KLHL15: variants seen among roughly 807,000 people sequenced by gnomAD.
KLHL15 encodes kelch like family member 15.
KLHL15 carries 1 observed loss-of-function variant against 29.3 expected under a neutral mutation model. The observed-to-expected ratio is 0.03, with a 90% confidence interval of 0.01 to 0.16. The LOEUF is 0.16. KLHL15 is among the 10% of genes least tolerant of loss of function. KLHL15 has a pLI of 1.00. For synonymous variants in KLHL15, 212 were observed against 184.5 expected, an observed-to-expected ratio of 1.15 and a Z score of -1.21; for missense variants, 215 against 478.5, an observed-to-expected ratio of 0.45 and a Z score of 5.14.
rs370493790 is a variant in KLHL15, at chrX:23,991,141, T to A, written c.706-2111A>T. On this transcript the variant is annotated intron_variant, in intron 3 of 3. Coordinates refer to ENST00000328046, the MANE Select transcript of KLHL15 (RefSeq NM_030624.3). ...GCTGAGGCGGGCAGATTACCTGAGC[T>A]CAGGAGTTCAAGACCAGCCTAGCCA... is the stretch of plus-strand genomic sequence containing the variant. Among the ~76,000 whole-genome samples, 4 of 108,184 alleles carry A rather than the reference T, an allele frequency of 3.7e-5. No homozygotes were observed. The East Asian group carries it at 1.2e-3, about 32-fold the overall frequency. 93.9% of individuals were successfully genotyped at this position (108,184 alleles called of 115,157 possible). A position where few individuals can be genotyped will look rare whatever the true frequency, so the allele number is the denominator to read the frequency against.
chrX:24,022,197 T>C (rs1285235551), intron 2 of KLHL15, among the ~76,000 whole-genome samples: 3 of 108,197 alleles, frequency 2.8e-5, no homozygotes, highest in African/African-American at 1.0e-4. Context: ...TAGTCAAGCA[T>C]GCTGACGCGC....
At chrX:23,994,375 G>C (rs1170730576) in intron 3 of KLHL15, among the ~76,000 whole-genome samples, 1 of 112,407 alleles carries the variant, frequency 8.9e-6, no homozygotes, top group Non-Finnish European at 1.9e-5. Context: ...TTGTTTGTAA[G>C]AGCACAAAAC....
chrX:24,000,485 A>C (rs75922471), intron 3 of KLHL15, among the ~76,000 whole-genome samples: 58 of 110,742 alleles, frequency 5.2e-4, no homozygotes, highest in Middle Eastern at 9.2e-3. Flanking sequence ...TAAATAAATA[A>C]TAAAAAAAGT....
intron 2 of KLHL15, among the ~76,000 whole-genome samples, chrX:24,011,383 C>T (rs1178823771): frequency 2.8e-5 from 3 of 109,086 alleles, no homozygotes; most frequent in African/African-American, 1.0e-4. Flanking sequence ...TGGCTCACGC[C>T]TGTGAGCCTC....
intron 3 of KLHL15, among the ~76,000 whole-genome samples, chrX:24,003,196 G>A (rs1929365883): frequency 9.0e-6 from 1 of 111,559 alleles, no homozygotes; most frequent in Non-Finnish European, 1.9e-5. Flanking sequence ...ACTTGGTCTG[G>A]AATAAGATCC....
At chrX:23,995,571 C>T (rs1483401243) in intron 3 of KLHL15, among the ~76,000 whole-genome samples, 1 of 109,770 alleles carries the variant, frequency 9.1e-6, no homozygotes, top group African/African-American at 3.3e-5. Context: ...TTTTAATTCT[C>T]TCAAAATTAA....
intron 2 of KLHL15, among the ~76,000 whole-genome samples, chrX:24,024,080 G>A (rs1402733449): frequency 2.7e-5 from 3 of 111,835 alleles, no homozygotes; most frequent in Non-Finnish European, 5.6e-5. Context: ...GTAAGAAAAG[G>A]GGCCTAAAGC....
intron 3 of KLHL15, among the ~76,000 whole-genome samples, chrX:24,001,802 CAAAAAAAAAAAAAAAA>C (rs766669649): frequency 4.4e-5 from 1 of 22,670 alleles, no homozygotes; most frequent in African/African-American, 1.6e-4. Context: ...AGACTTGACT[CAAAAAAAAAAAAAAAA>C]AAAAAAAAAG....
In KLHL15 at chrX:24,024,150, C is replaced by T. The variant is rs1293298744; in HGVS notation, c.-8+707G>A. ...AACGTTACATTTGAATTAAAGAATA[C>T]CGTTATTTAAATAAGCAGTTAGCAC... On this transcript the variant is annotated intron_variant, in intron 2 of 3. Coordinates refer to ENST00000328046, the MANE Select transcript of KLHL15 (RefSeq NM_030624.3). 5.4e-5 allele frequency among the ~76,000 whole-genome samples: 6 copies of T among 111,934 alleles called. No individual in the cohort carries two copies. The Admixed American group carries it at 5.7e-4, about 11-fold the overall frequency.
intron 2 of KLHL15, among the ~76,000 whole-genome samples, chrX:24,011,155 C>T (rs1430699615): frequency 9.8e-6 from 1 of 102,189 alleles, no homozygotes; most frequent in African/African-American, 3.7e-5. Context: ...TTATCCCAGC[C>T]CAAAGTCATC....
intron 1 of KLHL15, among the ~76,000 whole-genome samples, chrX:24,026,291 C>G (rs1054875239): frequency 8.9e-6 from 1 of 112,144 alleles, no homozygotes; most frequent in Non-Finnish European, 1.9e-5. Context: ...TCTCTACTTG[C>G]GTCAAAATAA....
At chrX:24,025,642 C>T (rs1929915619) in intron 1 of KLHL15, among the ~76,000 whole-genome samples, 1 of 104,946 alleles carries the variant, frequency 9.5e-6, no homozygotes, top group Non-Finnish European at 2.0e-5. Context: ...TCCCCCTGGT[C>T]GAGCGCCAAT....
At chrX:24,000,889 A>G (rs1421404190) in intron 3 of KLHL15, among the ~76,000 whole-genome samples, 11 of 112,639 alleles carry the variant, frequency 9.8e-5, no homozygotes, top group Non-Finnish European at 5.6e-5. Flanking sequence ...ATTACCACCT[A>G]AGCATGAGAT....
At chrX:24,014,413 C>CAGTTAATCATT (rs1406782615) in intron 2 of KLHL15, among the ~76,000 whole-genome samples, 5 of 111,470 alleles carry the variant, frequency 4.5e-5, no homozygotes, top group Non-Finnish European at 9.4e-5. Flanking sequence ...CTCTATTCAA[C>CAGTTAATCATT]AGTTAATCAT....
intron 1 of KLHL15, among the ~76,000 whole-genome samples, chrX:24,026,107 C>T (rs1399131354): frequency 8.9e-6 from 1 of 112,138 alleles, no homozygotes. Flanking sequence ...TAGATCTGCG[C>T]CAAATGACAT....
At chrX:23,997,514 T>C (rs1405856222) in intron 3 of KLHL15, among the ~76,000 whole-genome samples, 5 of 109,024 alleles carry the variant, frequency 4.6e-5, no homozygotes, top group Non-Finnish European at 7.6e-5. Flanking sequence ...GGTGAACACC[T>C]GAGCTCAGGA....
intron 2 of KLHL15, among the ~76,000 whole-genome samples, chrX:24,024,113 A>C (rs1236791246): frequency 8.9e-6 from 1 of 112,190 alleles, no homozygotes; most frequent in Non-Finnish European, 1.9e-5. Context: ...TGAAAAGCAA[A>C]GCCCCTACGG....
chrX:24,025,567 GC>G (rs1231389266), intron 1 of KLHL15, among the ~76,000 whole-genome samples: 45 of 106,833 alleles, frequency 4.2e-4, no homozygotes, highest in African/African-American at 8.4e-4. Flanking sequence ...GGCCCGGGAG[GC>G]CCCCCCCTCG....
intron 2 of KLHL15, among the ~76,000 whole-genome samples, chrX:24,020,254 G>C (rs1461433687): frequency 8.9e-6 from 1 of 112,151 alleles, no homozygotes; most frequent in Non-Finnish European, 1.9e-5. Flanking sequence ...CAATCTCAAA[G>C]CAGCCAACTT....
Sources: allele counts gnomAD v4.1 joint callset (sites outside exome capture counted in the v4.1 genomes callset), GRCh38; gene constraint gnomAD v4.1.1; transcripts MANE v1.5; gene names NCBI Gene and HGNC (gene_info 2026-07-23, HGNC 2026-07-21).